The following STARD13 variants were observed in gnomAD, a reference collection of about 807,000 sequenced individuals.
STARD13 encodes stAR-related lipid transfer protein 13.
In STARD13, 62 loss-of-function variants were observed where a neutral mutation model predicts 106.4. The ratio of observed to expected loss-of-function variants is 0.58; its 90% CI spans 0.48 to 0.72. The LOEUF (loss-of-function observed/expected upper bound fraction) is 0.72, where lower values mean the gene tolerates loss of function less well. Among genes scored for constraint, STARD13 ranks in the 30% least tolerant of loss-of-function variants. The probability of loss-of-function intolerance (pLI) is 0.00; values close to 1 mark genes in which losing one functional copy is unlikely to be tolerated. For missense variants in STARD13, 1,387 were observed against 1,424.0 expected (o/e 0.97, Z 0.42); for synonymous variants, 565 against 553.0 (o/e 1.02, Z -0.31).
the STARD13 span, among the ~76,000 whole-genome samples, chr13:33,638,338 A>C: frequency 6.6e-6 from 1 of 152,200 alleles, no homozygotes; most frequent in Non-Finnish European, 1.5e-5. Context: ...CATAAGACAT[A>C]AGTGAGACAT....
the STARD13 span, among the ~76,000 whole-genome samples, chr13:33,380,414 CAA>C: frequency 3.4e-4 from 29 of 84,526 alleles, no homozygotes; most frequent in Non-Finnish European, 3.6e-4. Context: ...GATTCTGTCT[CAA>C]AAAAAAAAAA....
At chr13:33,261,093 T>C (rs1329229843) in intron 1 of STARD13, among the ~76,000 whole-genome samples, 1 of 152,242 alleles carries the variant, frequency 6.6e-6, no homozygotes, top group Non-Finnish European at 1.5e-5. Context: ...TGTTAAAAGA[T>C]TGAACAAAGG....
rs116032333 is a variant in STARD13 at position 33,254,017 on chromosome 13, T to C, written c.169+31453A>G. On this transcript the variant is annotated intron_variant, in intron 1 of 13. Transcript: ENST00000336934. ...CAATTGAATATATGCACTATTGGGA[T>C]GCACAGTCTGACACACACAGGGTGA... Among the ~76,000 whole-genome samples the C allele has an allele frequency of 2.4e-3, 370 of 152,340 alleles. 1 individual carries two copies. Among genetic ancestry groups the C allele is most frequent in the African/African-American group, 8.6e-3 (359 of 41,582 alleles).
rs192589358 is a variant in STARD13, at chr13:33,222,639, C to T, written c.170-55017G>A. Among the ~76,000 whole-genome samples, 24 of 152,312 alleles carry T rather than the reference C, an allele frequency of 1.6e-4. No individual in the cohort carries two copies. The East Asian group carries it at 1.9e-3, about 12-fold the overall frequency. ...AAGCACCTTCTGTTGCCTTTTCCTACGACACACATCATGTCTACTTCTCCT... is the reference window on the plus strand; with the variant it reads ...AAGCACCTTCTGTTGCCTTTTCCTATGACACACATCATGTCTACTTCTCCT... On this transcript the variant is annotated intron_variant, in intron 1 of 13. Transcript: ENST00000336934.
chr13:33,302,537 C>T (rs905261838), intron 1 of STARD13, among the ~76,000 whole-genome samples: 1 of 152,142 alleles, frequency 6.6e-6, no homozygotes, highest in Non-Finnish European at 1.5e-5. Flanking sequence ...CCACTTCAGC[C>T]TCCCAAGTAG....
chr13:33,227,604 T>A (rs1328534422), intron 1 of STARD13, among the ~76,000 whole-genome samples: 1 of 152,100 alleles, frequency 6.6e-6, no homozygotes, highest in African/African-American at 2.4e-5. Context: ...CATTTTAAAT[T>A]TGAGATAAGG....
At chr13:33,580,583 T>A in the STARD13 span, among the ~76,000 whole-genome samples, 2 of 152,176 alleles carry the variant, frequency 1.3e-5, no homozygotes, top group Non-Finnish European at 2.9e-5. Context: ...TCATCAATTT[T>A]AATAAATGTA....
chr13:33,132,880 C>T (rs1032346767), intron 4 of STARD13, among the ~76,000 whole-genome samples: 1 of 152,130 alleles, frequency 6.6e-6, no homozygotes, highest in Admixed American at 6.5e-5. Flanking sequence ...ACTTTCTACT[C>T]CCTCTTTTCC....
chr13:33,350,884 C>T (rs2078072375), upstream of STARD13, among the ~76,000 whole-genome samples: 1 of 152,146 alleles, frequency 6.6e-6, no homozygotes, highest in Admixed American at 6.5e-5. Context: ...CTGGACCATA[C>T]TCCTCCTATT....
intron 1 of STARD13, among the ~76,000 whole-genome samples, chr13:33,241,424 A>G (rs932532224): frequency 6.6e-6 from 1 of 152,234 alleles, no homozygotes; most frequent in Non-Finnish European, 1.5e-5. Flanking sequence ...TTAATGTTAA[A>G]CTACAACAAA....
the STARD13 span, among the ~76,000 whole-genome samples, chr13:33,493,046 C>G: frequency 2.0e-5 from 3 of 152,216 alleles, no homozygotes; most frequent in Non-Finnish European, 4.4e-5. Flanking sequence ...CATAGATTTT[C>G]TGAAGTATCC....
At chr13:33,154,872 C>G (rs889819193) in intron 3 of STARD13, among the ~76,000 whole-genome samples, 1 of 152,282 alleles carries the variant, frequency 6.6e-6, no homozygotes, top group Non-Finnish European at 1.5e-5. Context: ...AGCAGCCGCG[C>G]GGGAACCGGC....
chr13:33,244,382 TC>T (rs1889718564), intron 1 of STARD13, among the ~76,000 whole-genome samples: 1 of 152,024 alleles, frequency 6.6e-6, no homozygotes, highest in Admixed American at 6.6e-5. Flanking sequence ...ACCCTCTCAC[TC>T]CTTTCACCAC....
At chr13:33,200,753 G>A (rs930955746) in intron 1 of STARD13, among the ~76,000 whole-genome samples, 2 of 152,192 alleles carry the variant, frequency 1.3e-5, no homozygotes, top group Non-Finnish European at 2.9e-5. Context: ...CGGGCATGGT[G>A]GCTCACGCCT....
chr13:33,572,423 T>C, the STARD13 span, among the ~76,000 whole-genome samples: 1 of 152,300 alleles, frequency 6.6e-6, no homozygotes, highest in Non-Finnish European at 1.5e-5. Flanking sequence ...ATTTTCTGTA[T>C]GTCACTTTCC....
intron 8 of STARD13, chr13:33,117,627 A>G: frequency 1.0e-6 from 1 of 979,602 alleles, no homozygotes; most frequent in African/African-American, 1.7e-5. Flanking sequence ...ACTTTGTGCT[A>G]AAATACATTT....
At chr13:33,389,344 G>A in the STARD13 span, among the ~76,000 whole-genome samples, 14 of 152,058 alleles carry the variant, frequency 9.2e-5, no homozygotes, top group Non-Finnish European at 2.1e-4. Context: ...CCCACTAATT[G>A]AACAGTTTGA....
the STARD13 span, among the ~76,000 whole-genome samples, chr13:33,622,171 G>A: frequency 2.6e-5 from 4 of 152,162 alleles, no homozygotes; most frequent in African/African-American, 4.8e-5. Flanking sequence ...TCCACCAAAT[G>A]TTGTCAGAGC....
intron 3 of STARD13, among the ~76,000 whole-genome samples, chr13:33,144,318 A>G (rs1322293656): frequency 2.0e-5 from 3 of 152,154 alleles, no homozygotes; most frequent in South Asian, 4.1e-4. Context: ...CTCCTTCACA[A>G]TCTACATTCG....
Sources: allele counts gnomAD v4.1 joint callset (sites outside exome capture counted in the v4.1 genomes callset), GRCh38; gene constraint gnomAD v4.1.1; transcripts MANE v1.5; gene names NCBI Gene and HGNC (gene_info 2026-07-23, HGNC 2026-07-21).